PHACTR3: variants seen among roughly 807,000 people sequenced by gnomAD.
The protein encoded by PHACTR3 is protein phosphatase 1, regulatory subunit 123.
A neutral mutation model predicts 66.8 loss-of-function variants in PHACTR3; 16 were observed. The ratio of observed to expected loss-of-function variants is 0.24; its 90% CI spans 0.16 to 0.36. PHACTR3 has a LOEUF of 0.36. Ranked by LOEUF, PHACTR3 falls within the 10% of genes least tolerant of loss-of-function variation. The pLI is 1.00. For missense variants in PHACTR3, 647 were observed against 719.9 expected (o/e 0.90, Z 1.16); for synonymous variants, 323 against 292.1 (o/e 1.11, Z -1.08).
intron 7 of PHACTR3, among the ~76,000 whole-genome samples, chr20:59,776,721 G>T (rs112582270): frequency 3.9e-5 from 5 of 129,186 alleles, no homozygotes; most frequent in Non-Finnish European, 7.1e-5. Flanking sequence ...GGCCTGGCCC[G>T]GATATGACCT....
chr20:59,760,888 G>A (rs897272755), intron 4 of PHACTR3, among the ~76,000 whole-genome samples: 1 of 152,026 alleles, frequency 6.6e-6, no homozygotes, highest in Non-Finnish European at 1.5e-5. Context: ...TGTTCTGTGT[G>A]CACTCTATTA....
intron 7 of PHACTR3, among the ~76,000 whole-genome samples, chr20:59,775,068 C>G (rs2040485489): frequency 8.4e-6 from 1 of 118,716 alleles, no homozygotes; most frequent in Admixed American, 9.3e-5. Flanking sequence ...CCGTATTTGT[C>G]CTCATGGTGC....
intron 12 of PHACTR3, among the ~76,000 whole-genome samples, chr20:59,846,230 A>G (rs1338932): frequency 0.95 from 144,928 of 152,282 alleles, 69,054 homozygotes; most frequent in East Asian, 1. Context: ...GGCCACTGCA[A>G]TTGTTATCTG....
chr20:59,683,644 T>G (rs546513329), intron 1 of PHACTR3, among the ~76,000 whole-genome samples: 1 of 152,200 alleles, frequency 6.6e-6, no homozygotes, highest in Non-Finnish European at 1.5e-5. Flanking sequence ...AGTCTCTCAC[T>G]AAGGATTTTG....
At chr20:59,811,764 G>A (rs1007656524) in intron 8 of PHACTR3, among the ~76,000 whole-genome samples, 7 of 152,138 alleles carry the variant, frequency 4.6e-5, no homozygotes, top group African/African-American at 1.7e-4. Flanking sequence ...CAAGGGCTCT[G>A]GAACAGTGCA....
chr20:59,836,425 CCT>C (rs2058967073), intron 8 of PHACTR3, 78 bp from the exon 9 acceptor site: 1 of 1,402,596 alleles, frequency 7.1e-7, no homozygotes, highest in Non-Finnish European at 9.8e-7. Context: ...TTGCCAGCCA[CCT>C]CTCATCCTTG....
intron 1 of PHACTR3, among the ~76,000 whole-genome samples, chr20:59,625,378 G>A (rs2034409200): frequency 6.6e-6 from 1 of 152,060 alleles, no homozygotes; most frequent in Admixed American, 6.6e-5. Flanking sequence ...CAGTACGGCT[G>A]CCTGTGTGGC....
At chr20:59,716,445 G>A (rs2038095076) in intron 1 of PHACTR3, among the ~76,000 whole-genome samples, 1 of 151,988 alleles carries the variant, frequency 6.6e-6, no homozygotes. Context: ...TAGAGACGGG[G>A]TTTCACCATG....
At chr20:59,629,171 C>T (rs936851116) in intron 1 of PHACTR3, among the ~76,000 whole-genome samples, 4 of 152,236 alleles carry the variant, frequency 2.6e-5, no homozygotes, top group African/African-American at 4.8e-5. Flanking sequence ...GCATGGGCGA[C>T]GTGTGTGGAT....
At chr20:59,765,841 C>A (rs2040161667) in intron 4 of PHACTR3, among the ~76,000 whole-genome samples, 1 of 152,208 alleles carries the variant, frequency 6.6e-6, no homozygotes, top group Admixed American at 6.5e-5. Flanking sequence ...GACCCAAGGA[C>A]AAGCCCCAGC....
rs1601321918 is a variant in PHACTR3, at chr20:59,773,308, A to G, written c.781A>G (p.Met261Val). The G allele has an allele frequency of 1.2e-6, 2 of 1,614,144 alleles. No individual in the cohort carries two copies. The highest frequency in any genetic ancestry group is 1.1e-5 in the South Asian group (1 of 91,084). The stretch of plus-strand genomic sequence containing the variant: ...AGCCACACTCTTCCAAGCCTCCAGC[A>G]TGAAGAGTGCCGACCCTTCCCTCCG... ...GQATLFQASS[M>V]KSADPSLRGQ... is the part of the protein sequence containing the mutation. The change falls in exon 6 of 13, where the codon ATG becomes GTG. Residue 261 changes from methionine to valine, a missense_variant. Around this residue, in one of 2 missense-constraint regions of PHACTR3, gnomAD observed 577 missense variants for 571.1 expected, o/e 1.01. Coordinates refer to ENST00000371015, the MANE Select transcript of PHACTR3 (RefSeq NM_080672.5).
intron 1 of PHACTR3, among the ~76,000 whole-genome samples, chr20:59,687,711 A>T (rs1252767140): frequency 1.3e-5 from 2 of 152,140 alleles, no homozygotes; most frequent in Non-Finnish European, 2.9e-5. Context: ...TTCACCCCTA[A>T]GAGAAGGTTT....
At chr20:59,730,283 T>C (rs1029887905) in intron 1 of PHACTR3, among the ~76,000 whole-genome samples, 2 of 152,094 alleles carry the variant, frequency 1.3e-5, no homozygotes, top group African/African-American at 4.8e-5. Flanking sequence ...CCATGAGGGA[T>C]GAATAGGAGT....
intron 1 of PHACTR3, among the ~76,000 whole-genome samples, chr20:59,742,861 C>T (rs186948539): frequency 7.8e-4 from 118 of 152,254 alleles, no homozygotes; most frequent in Admixed American, 1.5e-3. Context: ...CGTCATATGG[C>T]GGAAGGCGAA....
intron 1 of PHACTR3, among the ~76,000 whole-genome samples, chr20:59,697,728 T>C (rs1389223304): frequency 1.3e-5 from 2 of 152,152 alleles, no homozygotes; most frequent in East Asian, 3.9e-4. Flanking sequence ...ACCTAAGAGA[T>C]TGACAAAAAA....
chr20:59,669,449 A>T (rs2036115589), intron 1 of PHACTR3, among the ~76,000 whole-genome samples: 1 of 152,210 alleles, frequency 6.6e-6, no homozygotes. Context: ...TTTTCTTTCA[A>T]TTCTTTTGGT....
intron 4 of PHACTR3, among the ~76,000 whole-genome samples, chr20:59,759,374 C>G (rs959717987): frequency 3.3e-5 from 5 of 152,208 alleles, no homozygotes; most frequent in African/African-American, 9.6e-5. Flanking sequence ...GTTTAAAAAT[C>G]AGGAGTGTTC....
intron 8 of PHACTR3, among the ~76,000 whole-genome samples, chr20:59,819,844 T>C (rs894222896): frequency 2.0e-5 from 3 of 151,858 alleles, no homozygotes; most frequent in Non-Finnish European, 2.9e-5. Context: ...AGGCACCTGG[T>C]TGGGCCGGTG....
chr20:59,764,575 G>A (rs1365352552), intron 4 of PHACTR3, among the ~76,000 whole-genome samples: 1 of 152,188 alleles, frequency 6.6e-6, no homozygotes, highest in African/African-American at 2.4e-5. Flanking sequence ...TCACTCGTCT[G>A]TAAATAGGTC....
Sources: gnomAD v4.1 joint callset for allele counts (sites outside exome capture counted in the v4.1 genomes callset) on GRCh38, gnomAD v4.1.1 for gene constraint, gnomAD v4.1.1 regional missense constraint, MANE v1.5 for transcripts, NCBI Gene and HGNC (gene_info 2026-07-23, HGNC 2026-07-21) for gene names.